PTN: variants seen among roughly 807,000 people sequenced by gnomAD.
PTN encodes pleiotrophin, also known as heparin affin regulatory protein.
Under a neutral mutation model 24.1 loss-of-function variants are expected in PTN, and 18 were observed. The observed-to-expected ratio is 0.75, with a 90% CI of 0.52 to 1.11. PTN has a LOEUF of 1.11. Among genes scored for constraint, PTN ranks in the 50% least tolerant of loss-of-function variants. The probability of loss-of-function intolerance (pLI) is 0.00; values close to 1 mark genes in which losing one functional copy is unlikely to be tolerated. For missense variants in PTN, 163 were observed against 198.8 expected (o/e 0.82, Z 1.08); for synonymous variants, 78 against 68.6 (o/e 1.14, Z -0.67).
At chr7:137,342,481 A>C (rs1268368138) in intron 1 of PTN, among the ~76,000 whole-genome samples, 1 of 152,052 alleles carries the variant, frequency 6.6e-6, no homozygotes, top group African/African-American at 2.4e-5. Context: ...AACAGACACA[A>C]GGGTGAGTTA....
intron 1 of PTN, among the ~76,000 whole-genome samples, chr7:137,330,966 A>G (rs1042818305): frequency 6.6e-6 from 1 of 152,198 alleles, no homozygotes; most frequent in Non-Finnish European, 1.5e-5. Flanking sequence ...AGAAGCCTCA[A>G]TGCTATCTAA....
chr7:137,251,180 A>G (rs2128870877), intron 4 of PTN, 50 bp downstream of exon 4: 2 of 1,590,542 alleles, frequency 1.3e-6, no homozygotes, highest in South Asian at 2.2e-5. Context: ...TCCAGATCTT[A>G]CCTGAGTCCA....
chr7:137,240,095 C>A (rs1420681036), intron 4 of PTN, among the ~76,000 whole-genome samples: 1 of 152,200 alleles, frequency 6.6e-6, no homozygotes, highest in Non-Finnish European at 1.5e-5. Flanking sequence ...ATTACTCTAT[C>A]TCACGTACTC....
chr7:137,342,597 G>A (rs1810553266), intron 1 of PTN, among the ~76,000 whole-genome samples: 1 of 152,140 alleles, frequency 6.6e-6, no homozygotes, highest in African/African-American at 2.4e-5. Flanking sequence ...ATGGAGAGGA[G>A]AGAGGAGGTT....
chr7:137,278,671 T>C (rs1278969844), intron 1 of PTN, among the ~76,000 whole-genome samples: 1 of 152,052 alleles, frequency 6.6e-6, no homozygotes, highest in African/African-American at 2.4e-5. Flanking sequence ...CCGGGCAGGG[T>C]GGCTCACACC....
At chr7:137,280,130 G>A (rs2128875834) in intron 1 of PTN, among the ~76,000 whole-genome samples, 1 of 152,206 alleles carries the variant, frequency 6.6e-6, no homozygotes, top group East Asian at 1.9e-4. Flanking sequence ...AATAGTCTAA[G>A]CATCTGACAT....
rs1808894321 is a variant in PTN, at chr7:137,254,932, T to C, written c.42A>G (p.Ala14=). ...TGAAAATGAATGCCAAGAAGGCAGC[T>C]GCAAATTTTCGACGCTGCTGCTGGT... The part of the protein sequence containing the change: ...QQYQQQRRKF[A]AAFLAFIFIL... The change falls in exon 2 of 5, where the codon GCA becomes GCG. Residue 14 remains alanine (A), a synonymous_variant. Transcript: ENST00000348225. 1.9e-6 allele frequency: 3 copies of C among 1,580,008 alleles called. No individual in the cohort carries two copies. The highest frequency in any genetic ancestry group is 2.6e-6 in the Non-Finnish European group (3 of 1,154,926).
chr7:137,249,645 C>T (rs1808788581), intron 4 of PTN, among the ~76,000 whole-genome samples: 1 of 152,130 alleles, frequency 6.6e-6, no homozygotes, highest in Non-Finnish European at 1.5e-5. Context: ...TGAGTTTTGC[C>T]ATTTTTGGAA....
At chr7:137,243,276 C>T (rs1229524932) in intron 4 of PTN, among the ~76,000 whole-genome samples, 4 of 152,212 alleles carry the variant, frequency 2.6e-5, no homozygotes, top group African/African-American at 9.6e-5. Context: ...GAGACAGACT[C>T]TGTTTTCCAA....
chr7:137,299,498 G>T (rs928864573), intron 1 of PTN, among the ~76,000 whole-genome samples: 2 of 151,810 alleles, frequency 1.3e-5, no homozygotes, highest in African/African-American at 4.8e-5. Flanking sequence ...CTCCCCATAA[G>T]GTCCCCATGG....
chr7:137,253,755 T>G, intron 2 of PTN, 118 bp from the exon 3 acceptor site: 1 of 861,194 alleles, frequency 1.2e-6, no homozygotes, highest in Non-Finnish European at 1.6e-6. Flanking sequence ...TCTGTATCCT[T>G]ATTGTCTAAT....
chr7:137,279,859 G>A (rs1476165034), intron 1 of PTN, among the ~76,000 whole-genome samples: 2 of 152,218 alleles, frequency 1.3e-5, no homozygotes, highest in Non-Finnish European at 2.9e-5. Context: ...GGCTGACAGA[G>A]GGCCACTTGA....
intron 1 of PTN, among the ~76,000 whole-genome samples, chr7:137,291,980 A>G (rs1395935781): frequency 6.6e-6 from 1 of 152,170 alleles, no homozygotes; most frequent in East Asian, 1.9e-4. Flanking sequence ...TAATAACCCA[A>G]TGGCATTCAG....
intron 1 of PTN, among the ~76,000 whole-genome samples, chr7:137,314,883 G>A (rs186564435): frequency 9.9e-5 from 15 of 152,200 alleles, no homozygotes; most frequent in South Asian, 4.2e-4. Context: ...GTGAGCCACC[G>A]CACCCGGCCC....
At chr7:137,308,444 C>T (rs1229193239) in intron 1 of PTN, among the ~76,000 whole-genome samples, 1 of 152,130 alleles carries the variant, frequency 6.6e-6, no homozygotes, top group African/African-American at 2.4e-5. Context: ...ACAGTGGTGA[C>T]TAGTTTCTCA....
intron 1 of PTN, among the ~76,000 whole-genome samples, chr7:137,274,415 G>A (rs1045229959): frequency 2.0e-5 from 3 of 151,886 alleles, no homozygotes; most frequent in African/African-American, 4.8e-5. Flanking sequence ...CAGAACATGC[G>A]GTTTTGTTAC....
At chr7:137,321,695 T>G (rs140109832) in intron 1 of PTN, among the ~76,000 whole-genome samples, 6 of 152,336 alleles carry the variant, frequency 3.9e-5, no homozygotes, top group African/African-American at 1.4e-4. Context: ...CATTTCTCAG[T>G]AGCGCTATGG....
chr7:137,334,937 G>T (rs971666220), intron 1 of PTN, among the ~76,000 whole-genome samples: 18 of 150,300 alleles, frequency 1.2e-4, no homozygotes, highest in African/African-American at 4.2e-4. Flanking sequence ...GTAAACTATC[G>T]CAAGGACAAA....
intron 1 of PTN, among the ~76,000 whole-genome samples, chr7:137,283,424 A>C (rs1353575911): frequency 6.6e-6 from 1 of 152,216 alleles, no homozygotes; most frequent in Non-Finnish European, 1.5e-5. Flanking sequence ...AAAAAAATAA[A>C]GAAGAACTGA....
Sources: gnomAD v4.1 joint callset for allele counts (sites outside exome capture counted in the v4.1 genomes callset) on GRCh38, gnomAD v4.1.1 for gene constraint, MANE v1.5 for transcripts, NCBI Gene and HGNC (gene_info 2026-07-23, HGNC 2026-07-21) for gene names.